UBXN11: variants seen among roughly 807,000 people sequenced by gnomAD.
UBXN11 encodes the protein UBX domain protein 11.
Under a neutral mutation model 62.8 loss-of-function variants are expected in UBXN11, and 47 were observed. That is an observed-to-expected ratio of 0.75 (90% CI 0.59 to 0.95). UBXN11 has a LOEUF of 0.95. Among genes scored for constraint, UBXN11 ranks in the 40% least tolerant of loss-of-function variants. UBXN11 has a pLI of 0.00. For synonymous variants in UBXN11, 294 were observed against 267.0 expected (o/e 1.10, Z -0.99); for missense variants, 638 against 661.7 (o/e 0.96, Z 0.39).
chr1:26,295,120 T>C lies in UBXN11; in HGVS notation c.433-789A>G, dbSNP rs562789709. Among the ~76,000 whole-genome samples the C allele has an allele frequency of 4.6e-5, 7 of 152,292 alleles. No homozygotes were observed. The South Asian group carries it at 1.5e-3, about 32-fold the overall frequency. Reference sequence around the variant, plus strand: ...ATTTCCAACCGTCCACACTTGGATGTCTAATGGCTGTGGCTCTTGTCCCCC... The same window carrying C: ...ATTTCCAACCGTCCACACTTGGATGCCTAATGGCTGTGGCTCTTGTCCCCC... On this transcript the variant is annotated intron_variant, in intron 7 of 14. Coordinates refer to ENST00000374222, the MANE Select transcript of UBXN11 (RefSeq NM_001389556.1).
intron 9 of UBXN11, 64 bp from the exon 10 acceptor site, chr1:26,285,605 G>A (rs903303950): frequency 2.1e-6 from 3 of 1,460,072 alleles, no homozygotes; most frequent in African/African-American, 2.8e-5. Context: ...CCCTGCCACT[G>A]GTCTGGATGG....
intron 5 of UBXN11, among the ~76,000 whole-genome samples, 158 bp downstream of exon 5, chr1:26,297,803 AC>A (rs1364455553): frequency 6.6e-6 from 1 of 152,132 alleles, no homozygotes; most frequent in East Asian, 1.9e-4. Context: ...AGGTCACAGG[AC>A]CTAGATCAGG....
At chr1:26,293,563 T>C (rs1198699220) in intron 8 of UBXN11, among the ~76,000 whole-genome samples, 1 of 151,592 alleles carries the variant, frequency 6.6e-6, no homozygotes, top group Non-Finnish European at 1.5e-5. Flanking sequence ...CCGTCTTTAC[T>C]AAAAATACAA....
At chr1:26,313,661 A>C (rs2073764318) in intron 1 of UBXN11, among the ~76,000 whole-genome samples, 1 of 151,870 alleles carries the variant, frequency 6.6e-6, no homozygotes. Context: ...ACTTCACTTC[A>C]CTAATTTTCT....
chr1:26,285,334 GA>G, intron 10 of UBXN11, 129 bp downstream of exon 10: 1 of 1,522,062 alleles, frequency 6.6e-7, no homozygotes, highest in Non-Finnish European at 8.8e-7. Flanking sequence ...TATCCTCCTG[GA>G]GGGCATCAGA....
chr1:26,293,520 G>A (rs1030639594), intron 8 of UBXN11, among the ~76,000 whole-genome samples: 12 of 151,972 alleles, frequency 7.9e-5, no homozygotes, highest in Non-Finnish European at 1.8e-4. Flanking sequence ...GAGGTCAGGA[G>A]TTCAAGACCA....
intron 1 of UBXN11, among the ~76,000 whole-genome samples, chr1:26,303,350 A>G (rs1479914582): frequency 6.6e-6 from 1 of 152,150 alleles, no homozygotes; most frequent in East Asian, 1.9e-4. Flanking sequence ...TCAGAGCCAG[A>G]GAGGCCAACC....
chr1:26,299,485 G>A (rs1056573680), intron 4 of UBXN11, among the ~76,000 whole-genome samples: 1 of 144,394 alleles, frequency 6.9e-6, no homozygotes, highest in Non-Finnish European at 1.5e-5. Flanking sequence ...TGCACTCCAG[G>A]CTGGGCAACA....
At chr1:26,306,824 C>CGGGGGG (rs1344172803), upstream of UBXN11, 91 of 5,066 alleles carry the variant, frequency 0.018, 3 homozygotes, top group Non-Finnish European at 0.025. Context: ...AGGTCCGGGG[C>CGGGGGG]GGGGTGGGGG....
intron 2 of UBXN11, 80 bp from the exon 3 acceptor site, chr1:26,301,802 G>C: frequency 1.3e-6 from 2 of 1,571,620 alleles, no homozygotes; most frequent in Non-Finnish European, 1.7e-6. Flanking sequence ...TCTGGGCACC[G>C]GACTTCAGCC....
rs2073003223 is a variant in UBXN11 at position 26,282,328 on chromosome 1, A to AGGGACTGGGTCCGGGACCGGGACC, written c.1533_1534insGGTCCCGGTCCCGGACCCAGTCCC (p.Gly504_Pro511dup). The AGGGACTGGGTCCGGGACCGGGACC allele has an allele frequency of 3.9e-6, 3 of 778,078 alleles. No individual in the cohort carries two copies. In the Admixed American group the frequency reaches 1.8e-4, roughly 48 times the overall value. 48.2% of individuals were successfully genotyped at this position (778,078 alleles called of 1,614,324 possible). ...TGGGGGCTGGGACTGGGTCCAGGACAGGGACTGGGGCCGGGACCGGGACCG... is the reference window on the plus strand; with the variant it reads ...TGGGGGCTGGGACTGGGTCCAGGACAGGGACTGGGTCCGGGACCGGGACCGGGACTGGGGCCGGGACCGGGACCG... On this transcript the variant is annotated inframe_insertion, in exon 15 of 15. Coordinates refer to ENST00000374222, the MANE Select transcript of UBXN11 (RefSeq NM_001389556.1).
intron 5 of UBXN11, 119 bp downstream of exon 5, chr1:26,297,843 G>T: frequency 8.8e-7 from 1 of 1,130,154 alleles, no homozygotes; most frequent in Non-Finnish European, 1.3e-6. Context: ...CTCGAACTGG[G>T]CAGGTCAGTG....
chr1:26,292,811 G>C (rs2073302510), intron 8 of UBXN11, among the ~76,000 whole-genome samples: 1 of 151,816 alleles, frequency 6.6e-6, no homozygotes, highest in Non-Finnish European at 1.5e-5. Context: ...CCGAGATTGT[G>C]CCATTGCACT....
intron 6 of UBXN11, 49 bp downstream of exon 6, chr1:26,297,378 G>C (rs369351269): frequency 2.0e-6 from 3 of 1,487,690 alleles, no homozygotes; most frequent in Non-Finnish European, 2.7e-6. Flanking sequence ...CTGGGCCCAG[G>C]GGAGGTGCCT....
At chr1:26,300,111 C>G (rs1016903516) in intron 4 of UBXN11, among the ~76,000 whole-genome samples, 1 of 152,222 alleles carries the variant, frequency 6.6e-6, no homozygotes, top group Non-Finnish European at 1.5e-5. Context: ...TTTTCCACCT[C>G]AATTCCCTCC....
chr1:26,286,042 C>T lies in UBXN11; in HGVS notation c.560-5G>A. The T allele has an allele frequency of 1.9e-6, 3 of 1,595,960 alleles. No individual in the cohort carries two copies. Among genetic ancestry groups the T allele is most frequent in the Non-Finnish European group, 2.6e-6 (3 of 1,167,922 alleles). The stretch of plus-strand genomic sequence containing the variant: ...CAGGGGGCGCCAATGAGTCCCCTGG[C>T]AAAGAGGACAGACACCTGTGAGCCG... On this transcript the variant is annotated splice_region_variant and splice_polypyrimidine_tract_variant and intron_variant, in intron 8 of 14. Transcript: ENST00000374222.
At chr1:26,307,853 C>T (rs2073697080), upstream of UBXN11, among the ~76,000 whole-genome samples, 1 of 152,000 alleles carries the variant, frequency 6.6e-6, no homozygotes, top group African/African-American at 2.4e-5. Flanking sequence ...TCTCAAACTC[C>T]TGAGCTCAAG....
chr1:26,284,929 T>G, intron 10 of UBXN11: 4 of 1,001,568 alleles, frequency 4.0e-6, no homozygotes, highest in Non-Finnish European at 4.8e-6. Context: ...TGCTGTTTCC[T>G]GAGCCCTGGT....
In UBXN11 at chr1:26,285,297, G is replaced by A. The variant is rs749097343; in HGVS notation, c.852+167C>T. On this transcript the variant is annotated intron_variant, in intron 10 of 14. Transcript: ENST00000374222. Reference sequence around the variant, plus strand: ...CTGCTGCTCTGTTTCGGGCCTCTCCGCTCCCTTCCCAGCCCGGCTTCAGAC... The same window carrying A: ...CTGCTGCTCTGTTTCGGGCCTCTCCACTCCCTTCCCAGCCCGGCTTCAGAC... 36 of 1,433,442 alleles carry A rather than the reference G, an allele frequency of 2.5e-5. No individual in the cohort carries two copies. The Middle Eastern group carries it at 7.7e-4, about 30-fold the overall frequency. The allele number at this position is 1,433,442 out of a possible 1,614,324, so 88.8% of individuals were successfully genotyped here.
Sources: allele counts gnomAD v4.1 joint callset (sites outside exome capture counted in the v4.1 genomes callset), GRCh38; gene constraint gnomAD v4.1.1; transcripts MANE v1.5; gene names NCBI Gene and HGNC (gene_info 2026-07-23, HGNC 2026-07-21).